Variants in MED8 observed in about 807,000 individuals in gnomAD.
MED8 encodes mediator complex subunit 8.
In MED8, 22 loss-of-function variants were observed where a neutral mutation model predicts 34.8. That is an observed-to-expected ratio of 0.63 (90% CI 0.45 to 0.90). The LOEUF (loss-of-function observed/expected upper bound fraction) is 0.90, where lower values mean the gene tolerates loss of function less well. Ranked by LOEUF, MED8 falls within the 40% of genes least tolerant of loss-of-function variation. The probability of loss-of-function intolerance (pLI) is 0.00; values close to 1 mark genes in which losing one functional copy is unlikely to be tolerated. For synonymous variants in MED8, 105 were observed against 120.2 expected (o/e 0.87, Z 0.83); for missense variants, 260 against 326.3 (o/e 0.80, Z 1.57).
chr1:43,388,694 T>A (rs1647882494), intron 1 of MED8: 2 of 437,848 alleles, frequency 4.6e-6, no homozygotes, highest in Non-Finnish European at 8.4e-6. Context: ...GCCTGGTTTT[T>A]CTCTGTGTTA....
At chr1:43,388,639 T>C in intron 1 of MED8, 1 of 669,666 alleles carries the variant, frequency 1.5e-6, no homozygotes, top group Non-Finnish European at 2.4e-6. Context: ...TGACCCCAAG[T>C]CCTTCCACCA....
intron 3 of MED8, 81 bp from the exon 4 acceptor site, chr1:43,387,079 G>T: frequency 1.3e-6 from 2 of 1,540,676 alleles, no homozygotes; most frequent in Non-Finnish European, 1.8e-6. Flanking sequence ...CCATCCACAG[G>T]CAAACAGTGC....
rs772982790 is a variant in MED8 at position 43,384,565 on chromosome 1, T to A, written c.*477A>T. The stretch of plus-strand genomic sequence containing the variant: ...CAGGCAGGAGGGCCTGCAAAAACAG[T>A]GTGCCTCTAAGAACACAGAGGTTGC... On this transcript the variant is annotated 3_prime_UTR_variant, in exon 7 of 7. Coordinates refer to ENST00000372457, the MANE Select transcript of MED8 (RefSeq NM_201542.5). 13 of 1,599,386 alleles carry A rather than the reference T, an allele frequency of 8.1e-6. No individual in the cohort carries two copies. The highest frequency in any genetic ancestry group is 1.1e-5 in the Non-Finnish European group (13 of 1,173,418).
rs1417941523 is a variant in MED8, at chr1:43,386,298, G to A, written c.494-72C>T. On this transcript the variant is annotated intron_variant, in intron 5 of 6. Transcript: ENST00000372457. The surrounding 1 kb of genome is among the most constrained non-coding windows in gnomAD (Gnocchi z 4.9). ...ACTGAACGTGGCAGCTGGAAGACCA[G>A]TATGAGTGCCAGGGTTTGGAGTTCT... 2.8e-5 allele frequency: 43 copies of A among 1,546,814 alleles called. No individual in the cohort carries two copies. The highest frequency in any genetic ancestry group is 1.4e-5 in the African/African-American group (1 of 73,744).
At chr1:43,385,707 T>G (rs1392799220) in intron 6 of MED8, 11 of 476,212 alleles carry the variant, frequency 2.3e-5, no homozygotes. Context: ...CCAGAATAAA[T>G]GGGATAGAAG....
In MED8 at chr1:43,387,654, G is replaced by A. The variant is rs1221069519; in HGVS notation, c.126-7C>T. The A allele has an allele frequency of 6.2e-7, 1 of 1,613,752 alleles. No homozygotes were observed. Among genetic ancestry groups the A allele is most frequent in the Non-Finnish European group, 8.5e-7 (1 of 1,179,828 alleles). ...GCTGTCCAGGACAGATGGCCTGGTG[G>A]TGGTAACAAGGTGTAAGAATGTTGT... On this transcript the variant is annotated splice_polypyrimidine_tract_variant and splice_region_variant and intron_variant, in intron 2 of 6. Transcript: ENST00000372457.
intron 3 of MED8, 133 bp from the exon 4 acceptor site, chr1:43,387,131 G>A: frequency 8.3e-7 from 1 of 1,205,142 alleles, no homozygotes. Flanking sequence ...TATCTAGTTT[G>A]CTAGGACACA....
Position 43,386,288 on chromosome 1 carries a change from T to G in MED8, c.494-62A>C. 6.4e-7 allele frequency: 1 copy of G among 1,566,308 alleles called. No individual in the cohort carries two copies. The highest frequency in any genetic ancestry group is 1.2e-5 in the South Asian group (1 of 85,440). ...CTGATGCAGGACTGAACGTGGCAGC[T>G]GGAAGACCAGTATGAGTGCCAGGGT... On this transcript the variant is annotated intron_variant, in intron 5 of 6. Coordinates refer to ENST00000372457, the MANE Select transcript of MED8 (RefSeq NM_201542.5). This position sits in a 1 kb window ranked among gnomAD's most constrained non-coding sequence, Gnocchi z 4.9.
Position 43,386,388 on chromosome 1 carries a change from C to T in MED8, c.494-162G>A. The T allele has an allele frequency of 1.9e-6, 2 of 1,068,032 alleles. No individual in the cohort carries two copies. Among genetic ancestry groups the T allele is most frequent in the Non-Finnish European group, 1.3e-6 (1 of 757,240 alleles). 66.2% of individuals were successfully genotyped at this position (1,068,032 alleles called of 1,614,324 possible). ...AGAGCCAGAGGACCCCCAAGCCTATCTCAGAATTCTCTCTTCTTACTTTGC... is the reference window on the plus strand; with the variant it reads ...AGAGCCAGAGGACCCCCAAGCCTATTTCAGAATTCTCTCTTCTTACTTTGC... On this transcript the variant is annotated intron_variant, in intron 5 of 6. Transcript: ENST00000372457. The surrounding 1 kb of genome is among the most constrained non-coding windows in gnomAD (Gnocchi z 4.9).
At chr1:43,387,376 G>A in intron 3 of MED8, 127 bp downstream of exon 3, 1 of 1,297,962 alleles carries the variant, frequency 7.7e-7, no homozygotes, top group African/African-American at 1.5e-5. Flanking sequence ...CCCGCCTTCA[G>A]AAGAACAAAA....
In MED8 at chr1:43,386,000, T is replaced by C. The variant is rs761949694; in HGVS notation, c.720A>G (p.Gln240=). The C allele has an allele frequency of 5.6e-6, 9 of 1,613,890 alleles. No homozygotes were observed. The highest frequency in any genetic ancestry group is 5.3e-5 in the African/African-American group (4 of 74,930). ...TACCTGGTTGACCTGCCTGAGCCATTTGTACCCCACTGAGCATTGGCTGCT... is the reference window on the plus strand; with the variant it reads ...TACCTGGTTGACCTGCCTGAGCCATCTGTACCCCACTGAGCATTGGCTGCT... ...SQQQPMLSGV[Q]MAQAGQPGKM... Residue 240 remains glutamine, a synonymous_variant, in exon 6 of 7, where the codon CAA becomes CAG. Transcript: ENST00000372457.
chr1:43,387,084 C>G, intron 3 of MED8, 86 bp from the exon 4 acceptor site: 2 of 1,538,458 alleles, frequency 1.3e-6, no homozygotes, highest in Non-Finnish European at 1.8e-6. Flanking sequence ...CACAGGCAAA[C>G]AGTGCATTTT....
At chr1:43,389,625 G>T in intron 1 of MED8, 134 bp downstream of exon 1, 1 of 1,369,238 alleles carries the variant, frequency 7.3e-7, no homozygotes. Context: ...TCGCCCCCCA[G>T]CCCACATTCC....
chr1:43,385,245 G>C, intron 6 of MED8, 139 bp from the exon 7 acceptor site: 1 of 1,130,322 alleles, frequency 8.8e-7, no homozygotes, highest in South Asian at 1.6e-5. Flanking sequence ...TTTGACAGAG[G>C]TCAGAAGTAT....
At chr1:43,388,630 G>T in intron 1 of MED8, 1 of 753,686 alleles carries the variant, frequency 1.3e-6, no homozygotes, top group Non-Finnish European at 2.0e-6. Flanking sequence ...CTGTTTGCCT[G>T]ACCCCAAGTC....
In MED8 at chr1:43,386,058, T is replaced by G. The variant is rs147379280; in HGVS notation, c.662A>C (p.Gln221Pro). 121 of 1,613,994 alleles carry G rather than the reference T, an allele frequency of 7.5e-5. No individual in the cohort carries two copies. The African/African-American group carries it at 1.5e-3, about 20-fold the overall frequency. The change falls in exon 6 of 7, where the codon CAG (glutamine) becomes CCG (proline). Residue 221 changes from glutamine (Q) to proline (P), a missense_variant. By Grantham distance (76) the Gln-to-Pro change is moderately conservative (BLOSUM62 -1). Transcript: ENST00000372457. This position sits in a 1 kb window ranked among gnomAD's most constrained non-coding sequence, Gnocchi z 4.9. ...GTILAGTSGL[Q>P]QVQMAGAPSQ... ...TGGAGCTCCTGCCATCTGCACCTGC[T>G]GTAATCCTGAGGTTCCTGCAAGGAT...
At position 43,384,321 on chromosome 1, in the gene MED8, G is replaced by T; in HGVS notation, c.*721C>A. On this transcript the variant is annotated 3_prime_UTR_variant, in exon 7 of 7. Transcript: ENST00000372457. ...AACCCTTTCCCACATAGTCCTGCCTGGCAGAGCCACTTCCTGAGAAAGCCT... is the reference window on the plus strand; with the variant it reads ...AACCCTTTCCCACATAGTCCTGCCTTGCAGAGCCACTTCCTGAGAAAGCCT... The T allele has an allele frequency of 8.1e-7, 1 of 1,231,384 alleles. No homozygotes were observed. The highest frequency in any genetic ancestry group is 1.1e-6 in the Non-Finnish European group (1 of 907,582). 76.3% of individuals were successfully genotyped at this position (1,231,384 alleles called of 1,614,324 possible). A position where few individuals can be genotyped will look rare whatever the true frequency, so the allele number is the denominator to read the frequency against.
At chr1:43,388,979 A>C (rs1647915291) in intron 1 of MED8, 2 of 153,154 alleles carry the variant, frequency 1.3e-5, no homozygotes, top group Non-Finnish European at 2.9e-5. Flanking sequence ...CTGAATTAAT[A>C]TGCAATCATC....
Position 43,384,766 on chromosome 1 carries a change from A to C in MED8, c.*276T>G. On this transcript the variant is annotated 3_prime_UTR_variant, in exon 7 of 7. Transcript: ENST00000372457. Reference sequence around the variant, plus strand: ...TTATTGAATACCCATTATTTCATATACTGTACTAAGTGCTTTACATTCATT... The same window carrying C: ...TTATTGAATACCCATTATTTCATATCCTGTACTAAGTGCTTTACATTCATT... 1 of 1,424,612 alleles carries C rather than the reference A, an allele frequency of 7.0e-7. No homozygotes were observed. Among genetic ancestry groups the C allele is most frequent in the Non-Finnish European group, 9.2e-7 (1 of 1,092,754 alleles). 88.2% of individuals were successfully genotyped at this position (1,424,612 alleles called of 1,614,324 possible). A position where few individuals can be genotyped will look rare whatever the true frequency, so the allele number is the denominator to read the frequency against.
Sources: gnomAD v4.1 joint callset for allele counts on GRCh38, gnomAD v4.1.1 for gene constraint, Gnocchi (gnomAD v3.1) non-coding constraint, MANE v1.5 for transcripts, NCBI Gene and HGNC (gene_info 2026-07-23, HGNC 2026-07-21) for gene names.